RAD51B: variants seen among roughly 807,000 people sequenced by gnomAD.
The protein encoded by RAD51B is DNA repair protein RAD51 homolog 2.
A neutral mutation model predicts 42.2 loss-of-function variants in RAD51B; 38 were observed. The ratio of observed to expected loss-of-function variants is 0.90; its 90% CI spans 0.70 to 1.18. The LOEUF (loss-of-function observed/expected upper bound fraction) is 1.18, where lower values mean the gene tolerates loss of function less well. Among genes scored for constraint, RAD51B ranks in the 50% most tolerant of loss-of-function variants. The pLI is 0.00. For synonymous variants in RAD51B, 154 were observed against 145.2 expected, an observed-to-expected ratio of 1.06 and a Z score of -0.43; for missense variants, 373 against 400.7, an observed-to-expected ratio of 0.93 and a Z score of 0.59.
intron 10 of RAD51B, among the ~76,000 whole-genome samples, chr14:68,535,809 G>GAGAT (rs752450538): frequency 6.6e-6 from 1 of 152,194 alleles, no homozygotes; most frequent in Non-Finnish European, 1.5e-5. Context: ...AACTCTCAGT[G>GAGAT]AGATACATGC....
At chr14:67,972,654 G>A (rs2074921093) in intron 7 of RAD51B, among the ~76,000 whole-genome samples, 1 of 152,072 alleles carries the variant, frequency 6.6e-6, no homozygotes, top group South Asian at 2.1e-4. Context: ...TTATCAAGTT[G>A]ATATACAGTC....
intron 8 of RAD51B, among the ~76,000 whole-genome samples, chr14:68,322,120 G>A (rs1225649590): frequency 6.6e-6 from 1 of 152,172 alleles, no homozygotes; most frequent in African/African-American, 2.4e-5. Context: ...TTAGCATGTA[G>A]TAAGCACTAG....
At chr14:68,622,817 G>A (rs926129807) in intron 10 of RAD51B, among the ~76,000 whole-genome samples, 1 of 151,848 alleles carries the variant, frequency 6.6e-6, no homozygotes, top group Non-Finnish European at 1.5e-5. Flanking sequence ...AATTTTAGAG[G>A]TGTTTATGCT....
intron 10 of RAD51B, among the ~76,000 whole-genome samples, chr14:68,636,932 T>C (rs1306426542): frequency 1.3e-5 from 2 of 152,384 alleles, no homozygotes; most frequent in East Asian, 3.8e-4. Flanking sequence ...CCTTGTGGAA[T>C]AGTTGCTCTC....
intron 11 of RAD51B, among the ~76,000 whole-genome samples, chr14:68,658,089 C>T (rs145686576): frequency 1.3e-3 from 195 of 152,332 alleles, no homozygotes; most frequent in African/African-American, 4.5e-3. Flanking sequence ...TGCCAAGAAG[C>T]GCATCGCCAC....
At chr14:68,129,315 T>G (rs1052060632) in intron 7 of RAD51B, among the ~76,000 whole-genome samples, 1 of 152,222 alleles carries the variant, frequency 6.6e-6, no homozygotes, top group Non-Finnish European at 1.5e-5. Flanking sequence ...CTGAGAACTC[T>G]ATGAGTTTAG....
At chr14:68,678,495 TTACAGTC>T (rs138895328) in intron 11 of RAD51B, among the ~76,000 whole-genome samples, 2,614 of 152,144 alleles carry the variant, frequency 0.017, 81 homozygotes, top group African/African-American at 0.059. Flanking sequence ...CTCACAGAGA[TTACAGTC>T]TAGTGAATTA....
intron 10 of RAD51B, among the ~76,000 whole-genome samples, chr14:68,473,396 C>T (rs1222742258): frequency 6.6e-6 from 1 of 152,214 alleles, no homozygotes; most frequent in Non-Finnish European, 1.5e-5. Flanking sequence ...GCTGCTTCTG[C>T]CTGCCTCTTA....
At chr14:68,192,026 T>C (rs540077406) in intron 7 of RAD51B, among the ~76,000 whole-genome samples, 1 of 152,294 alleles carries the variant, frequency 6.6e-6, no homozygotes, top group East Asian at 1.9e-4. Context: ...TTTCCTGAAA[T>C]TGCAACATTA....
chr14:68,675,702 A>G (rs367919898), intron 11 of RAD51B, among the ~76,000 whole-genome samples: 7 of 152,116 alleles, frequency 4.6e-5, no homozygotes, highest in African/African-American at 1.7e-4. Context: ...ATACTGGGGG[A>G]CTCCAGAGAT....
At chr14:68,373,619 T>G in intron 8 of RAD51B, among the ~76,000 whole-genome samples, 1 of 151,472 alleles carries the variant, frequency 6.6e-6, no homozygotes. Flanking sequence ...GGCCTGTTGG[T>G]GGGTGGGGGG....
intron 7 of RAD51B, among the ~76,000 whole-genome samples, chr14:68,014,043 A>G (rs952805251): frequency 5.3e-5 from 8 of 152,254 alleles, no homozygotes; most frequent in African/African-American, 1.7e-4. Context: ...TGATAATATT[A>G]CCTAATGGCT....
At chr14:68,448,359 T>G (rs747759720) in intron 9 of RAD51B, among the ~76,000 whole-genome samples, 29 of 152,246 alleles carry the variant, frequency 1.9e-4, no homozygotes, top group Non-Finnish European at 3.4e-4. Context: ...ACTAAAGCTG[T>G]GGACTACAGT....
chr14:68,430,509 A>T (rs1464453439), intron 9 of RAD51B, among the ~76,000 whole-genome samples: 1 of 152,118 alleles, frequency 6.6e-6, no homozygotes, highest in African/African-American at 2.4e-5. Flanking sequence ...TCTTTGAAGC[A>T]ATTGTGAATG....
rs190868633 is a variant in RAD51B at position 68,428,997 on chromosome 14, A to T, written c.957+17470A>T. On this transcript the variant is annotated intron_variant, in intron 9 of 10. Transcript: ENST00000471583. ...TTCAATTCCCACTATGAGTGAGAAC[A>T]TGCAGTGTTTGGTTTTTTGTCCTTG... 3.1e-3 allele frequency among the ~76,000 whole-genome samples: 461 copies of T among 150,540 alleles called. 2 individuals are homozygous for T. The highest frequency in any genetic ancestry group is 0.011 in the African/African-American group (444 of 40,770).
chr14:68,664,576 G>A (rs540138986), intron 11 of RAD51B, among the ~76,000 whole-genome samples: 35 of 152,172 alleles, frequency 2.3e-4, no homozygotes, highest in Non-Finnish European at 4.6e-4. Context: ...CAAGATGGAG[G>A]AATACAGCTC....
downstream of RAD51B, among the ~76,000 whole-genome samples, chr14:68,613,493 A>G (rs573497052): frequency 6.9e-4 from 102 of 146,848 alleles, no homozygotes; most frequent in Non-Finnish European, 1.3e-3. Flanking sequence ...TCACTCTGTC[A>G]CCCAGGCTGG....
chr14:68,325,964 G>C (rs1303037270), intron 8 of RAD51B, among the ~76,000 whole-genome samples: 2 of 151,062 alleles, frequency 1.3e-5, no homozygotes, highest in East Asian at 3.9e-4. Flanking sequence ...TGCTGTTGAG[G>C]TGCTTAGTTG....
intron 10 of RAD51B, among the ~76,000 whole-genome samples, chr14:68,521,993 C>G (rs1271500913): frequency 2.6e-5 from 4 of 152,206 alleles, no homozygotes; most frequent in African/African-American, 9.6e-5. Flanking sequence ...GGGTCGGTTA[C>G]TCTTCTCTGG....
Sources: gnomAD v4.1 joint callset for allele counts (sites outside exome capture counted in the v4.1 genomes callset) on GRCh38, gnomAD v4.1.1 for gene constraint, MANE v1.5 for transcripts, NCBI Gene and HGNC (gene_info 2026-07-23, HGNC 2026-07-21) for gene names.